Variants in MECOM observed in about 807,000 individuals in gnomAD.
MECOM encodes the protein MDS1 and EVI1 complex locus, also known as histone-lysine N-methyltransferase MECOM.
MECOM carries 13 observed loss-of-function variants against 116.3 expected under a neutral mutation model. The observed-to-expected ratio is 0.11, with a 90% CI of 0.07 to 0.18. The LOEUF (loss-of-function observed/expected upper bound fraction) is 0.18. Among genes scored for constraint, MECOM ranks in the 10% least tolerant of loss-of-function variants. MECOM has a pLI of 1.00. For synonymous variants in MECOM, 528 were observed against 535.2 expected, an observed-to-expected ratio of 0.99 and a Z score of 0.19; for missense variants, 1,299 against 1,509.0, an observed-to-expected ratio of 0.86 and a Z score of 2.31.
intron 1 of MECOM, among the ~76,000 whole-genome samples, chr3:169,629,644 G>A (rs1212519492): frequency 6.6e-6 from 1 of 152,154 alleles, no homozygotes; most frequent in Non-Finnish European, 1.5e-5. Flanking sequence ...CGTGCATGTA[G>A]GTAATGCCTT....
At chr3:169,195,110 T>C (rs978635314) in intron 2 of MECOM, among the ~76,000 whole-genome samples, 3 of 152,078 alleles carry the variant, frequency 2.0e-5, no homozygotes, top group Non-Finnish European at 4.4e-5. Context: ...TTTGTGATCA[T>C]CAAATAATAC....
intron 2 of MECOM, among the ~76,000 whole-genome samples, chr3:169,183,891 G>C (rs550976439): frequency 6.7e-6 from 1 of 149,350 alleles, no homozygotes; most frequent in East Asian, 2.0e-4. Flanking sequence ...GTGAGACGGA[G>C]TCTCCCTCTG....
chr3:169,215,990 A>C (rs978874858), intron 2 of MECOM, among the ~76,000 whole-genome samples: 1 of 152,210 alleles, frequency 6.6e-6, no homozygotes, highest in Non-Finnish European at 1.5e-5. Context: ...TTTATGCTTC[A>C]TGTTTTCTCA....
chr3:169,513,848 G>C (rs1181393187), intron 1 of MECOM, among the ~76,000 whole-genome samples: 1 of 152,094 alleles, frequency 6.6e-6, no homozygotes, highest in Non-Finnish European at 1.5e-5. Flanking sequence ...AAAACACCAG[G>C]CACACCTGCA....
intron 1 of MECOM, among the ~76,000 whole-genome samples, chr3:169,624,704 T>C (rs764595928): frequency 2.6e-5 from 4 of 152,160 alleles, no homozygotes; most frequent in Non-Finnish European, 4.4e-5. Context: ...GCCTGGTCAT[T>C]GTTATTCACC....
At chr3:169,399,980 T>C (rs1735622035) in intron 1 of MECOM, among the ~76,000 whole-genome samples, 1 of 152,188 alleles carries the variant, frequency 6.6e-6, no homozygotes, top group South Asian at 2.1e-4. Context: ...TCTCCAAGTT[T>C]AGACTGAGGT....
intron 2 of MECOM, among the ~76,000 whole-genome samples, chr3:169,360,320 A>AAC (rs1379393748): frequency 3.4e-5 from 1 of 29,482 alleles, no homozygotes; most frequent in Non-Finnish European, 6.3e-5. Flanking sequence ...AAGTTACACC[A>AAC]AAAAAAAAAA....
intron 1 of MECOM, among the ~76,000 whole-genome samples, chr3:169,658,582 T>TG (rs1366957433): frequency 6.6e-6 from 1 of 152,294 alleles, no homozygotes; most frequent in Admixed American, 6.5e-5. Flanking sequence ...GGCCAAACCT[T>TG]GGAGCCCTGA....
chr3:169,657,844 T>C (rs1312689398), intron 1 of MECOM, among the ~76,000 whole-genome samples: 1 of 152,256 alleles, frequency 6.6e-6, no homozygotes, highest in African/African-American at 2.4e-5. Flanking sequence ...GTATGGCTTG[T>C]AGTAAGCAAA....
chr3:169,389,642 C>G, intron 1 of MECOM: 1 of 956,892 alleles, frequency 1.0e-6, no homozygotes, highest in African/African-American at 1.8e-5. Context: ...AAAGTAGAAC[C>G]GTCCTGAATT....
At chr3:169,524,039 A>AATAAAT (rs373782212) in intron 1 of MECOM, among the ~76,000 whole-genome samples, 30 of 138,248 alleles carry the variant, frequency 2.2e-4, no homozygotes, top group African/African-American at 7.1e-4. Context: ...TATATGAATA[A>AATAAAT]ATATATATAT....
In MECOM at chr3:169,608,517, G is replaced by A. The variant is rs6782503; in HGVS notation, c.37+54819C>T. Among the ~76,000 whole-genome samples the A allele has an allele frequency of 3.9e-3, 597 of 152,196 alleles. 5 individuals are homozygous for A. Among genetic ancestry groups the A allele is most frequent in the African/African-American group, 0.014 (576 of 41,522 alleles). ...ATTTCCCCACATCCCCTCCTAAAGC[G>A]AGTCTTGGTGGCAGGATTCACACAT... On this transcript the variant is annotated intron_variant, in intron 1 of 16. Transcript: ENST00000651503.
chr3:169,661,006 A>T (rs1043588367), intron 1 of MECOM, among the ~76,000 whole-genome samples: 28 of 152,190 alleles, frequency 1.8e-4, no homozygotes, highest in Admixed American at 4.6e-4. Flanking sequence ...GGGACAAAAT[A>T]AATGGGTCTC....
chr3:169,180,519 G>A (rs1481587692), intron 2 of MECOM, among the ~76,000 whole-genome samples: 1 of 151,866 alleles, frequency 6.6e-6, no homozygotes, highest in Non-Finnish European at 1.5e-5. Flanking sequence ...CTTATCATGT[G>A]TCCTGTTAAC....
chr3:169,231,308 C>T (rs1163400827), intron 2 of MECOM, among the ~76,000 whole-genome samples: 1 of 152,086 alleles, frequency 6.6e-6, no homozygotes, highest in Non-Finnish European at 1.5e-5. Flanking sequence ...CCTACTTGCA[C>T]CAGACACCAG....
At chr3:169,516,856 C>T (rs1211534384) in intron 1 of MECOM, among the ~76,000 whole-genome samples, 1 of 152,112 alleles carries the variant, frequency 6.6e-6, no homozygotes, top group East Asian at 1.9e-4. Context: ...TTGCTTCTGA[C>T]CAGTCAAAGC....
At chr3:169,343,743 G>A (rs1413919462) in intron 2 of MECOM, among the ~76,000 whole-genome samples, 3 of 152,012 alleles carry the variant, frequency 2.0e-5, no homozygotes, top group South Asian at 2.1e-4. Context: ...ATACACTGGC[G>A]CTCAACTCTA....
At chr3:169,411,804 G>C (rs898654347) in intron 1 of MECOM, among the ~76,000 whole-genome samples, 2 of 151,406 alleles carry the variant, frequency 1.3e-5, no homozygotes, top group East Asian at 1.9e-4. Flanking sequence ...CAGCCTGGCC[G>C]ACATGGCGAG....
intron 1 of MECOM, among the ~76,000 whole-genome samples, chr3:169,415,371 C>T (rs1012970865): frequency 6.6e-6 from 1 of 152,172 alleles, no homozygotes. Flanking sequence ...CTTACAAGCG[C>T]TCCTGAAGGA....
Sources: allele counts gnomAD v4.1 joint callset (sites outside exome capture counted in the v4.1 genomes callset), GRCh38; gene constraint gnomAD v4.1.1; transcripts MANE v1.5; gene names NCBI Gene and HGNC (gene_info 2026-07-23, HGNC 2026-07-21).